TMEM132D: variants seen among roughly 807,000 people sequenced by gnomAD.
TMEM132D encodes the protein mature OL transmembrane protein.
A neutral mutation model predicts 62.3 loss-of-function variants in TMEM132D; 21 were observed. The observed-to-expected ratio is 0.34, with a 90% CI of 0.24 to 0.49. TMEM132D has a LOEUF of 0.49. Ranked by LOEUF, TMEM132D falls within the 20% of genes least tolerant of loss-of-function variation. The pLI, the probability that TMEM132D is intolerant of heterozygous loss-of-function variation, is 0.99. For missense variants in TMEM132D, 1,346 were observed against 1,402.8 expected, an observed-to-expected ratio of 0.96 and a Z score of 0.65; for synonymous variants, 621 against 575.6, an observed-to-expected ratio of 1.08 and a Z score of -1.13.
intron 1 of TMEM132D, among the ~76,000 whole-genome samples, chr12:129,797,592 A>C (rs564994335): frequency 1.3e-5 from 2 of 152,312 alleles, no homozygotes; most frequent in East Asian, 1.9e-4. Context: ...GCTGTGACTT[A>C]CATGAGAGAC....
At chr12:129,775,413 G>C (rs1036210660) in intron 1 of TMEM132D, among the ~76,000 whole-genome samples, 5 of 152,130 alleles carry the variant, frequency 3.3e-5, no homozygotes, top group African/African-American at 9.7e-5. Context: ...AGGCATGGGA[G>C]AGCCACCAGC....
chr12:129,309,117 A>C (rs1442624820), intron 4 of TMEM132D, among the ~76,000 whole-genome samples: 1 of 152,218 alleles, frequency 6.6e-6, no homozygotes, highest in Non-Finnish European at 1.5e-5. Flanking sequence ...CCTCTTGAAC[A>C]AACACATTCA....
chr12:129,737,365 T>C (rs930715818), intron 1 of TMEM132D, among the ~76,000 whole-genome samples: 3 of 152,224 alleles, frequency 2.0e-5, no homozygotes, highest in African/African-American at 7.2e-5. Context: ...GGTGGTGTTT[T>C]AATGTTTCCT....
chr12:129,507,283 A>G (rs1284198950), intron 3 of TMEM132D, among the ~76,000 whole-genome samples: 1 of 152,212 alleles, frequency 6.6e-6, no homozygotes, highest in East Asian at 1.9e-4. Flanking sequence ...TAGTACAAAC[A>G]CTATGCAAAA....
chr12:129,513,852 T>A (rs112229460), intron 3 of TMEM132D, among the ~76,000 whole-genome samples: 95 of 112,338 alleles, frequency 8.5e-4, no homozygotes, highest in African/African-American at 1.8e-3. Flanking sequence ...TTATTTATTT[T>A]TTTGAGACGG....
chr12:129,467,302 G>A (rs1297763577), intron 3 of TMEM132D, among the ~76,000 whole-genome samples: 3 of 152,110 alleles, frequency 2.0e-5, no homozygotes, highest in Non-Finnish European at 4.4e-5. Flanking sequence ...TCTTGGCTCT[G>A]CTTTTCTCTA....
chr12:129,794,159 G>A (rs1871487606), intron 1 of TMEM132D, among the ~76,000 whole-genome samples: 1 of 150,582 alleles, frequency 6.6e-6, no homozygotes, highest in African/African-American at 2.4e-5. Flanking sequence ...TGCAACCTCG[G>A]CTCACAGCAA....
intron 2 of TMEM132D, among the ~76,000 whole-genome samples, chr12:129,627,673 T>A (rs150268618): frequency 1.2e-3 from 185 of 151,510 alleles, no homozygotes; most frequent in African/African-American, 4.1e-3. Context: ...AATAAGAAAA[T>A]AAGAAAAATA....
In TMEM132D at chr12:129,656,145, A is replaced by G. The variant is rs79248865; in HGVS notation, c.968+43665T>C. Among the ~76,000 whole-genome samples, 1,494 of 152,310 alleles carry G rather than the reference A, an allele frequency of 9.8e-3. 49 individuals carry two copies. In the South Asian group the frequency reaches 0.11, roughly 12 times the overall value. ...ACTATCCAGCAACTCACGTTTCCCA[A>G]ACATGCCCTATGATAAGATTTATCT... On this transcript the variant is annotated intron_variant, in intron 2 of 8. Coordinates refer to ENST00000422113, the MANE Select transcript of TMEM132D (RefSeq NM_133448.3).
chr12:129,380,941 A>G (rs1369059082), intron 3 of TMEM132D, among the ~76,000 whole-genome samples: 1 of 152,206 alleles, frequency 6.6e-6, no homozygotes, highest in Admixed American at 6.5e-5. Flanking sequence ...ATCTTTTCAA[A>G]TAAATAAATG....
At chr12:129,292,084 A>T (rs1881463892) in intron 4 of TMEM132D, among the ~76,000 whole-genome samples, 1 of 152,172 alleles carries the variant, frequency 6.6e-6, no homozygotes, top group South Asian at 2.1e-4. Flanking sequence ...TCATGTTAGG[A>T]TGAAATTAAT....
At position 129,903,446 on chromosome 12, in the gene TMEM132D, G is replaced by T; in HGVS notation, c.-107C>A. The T allele has an allele frequency of 2.4e-6, 3 of 1,229,820 alleles. No individual in the cohort carries two copies. The highest frequency in any genetic ancestry group is 3.4e-6 in the Non-Finnish European group (3 of 869,794). 76.2% of individuals were successfully genotyped at this position (1,229,820 alleles called of 1,614,324 possible). On this transcript the variant is annotated 5_prime_UTR_variant, in exon 1 of 9. Coordinates refer to ENST00000422113, the MANE Select transcript of TMEM132D (RefSeq NM_133448.3). This position sits in a 1 kb window ranked among gnomAD's most constrained non-coding sequence, Gnocchi z 6.2. The stretch of plus-strand genomic sequence containing the variant: ...GCAGCGGGGCCGGTGGCGAGGGAGC[G>T]CCCGGCTAGGGGCCCGAGCAGCCCG...
chr12:129,265,246 TAC>T lies in TMEM132D; in HGVS notation c.1300-55585_1300-55584del, dbSNP rs1199098725. On this transcript the variant is annotated intron_variant, in intron 4 of 8. Transcript: ENST00000422113. The stretch of plus-strand genomic sequence containing the variant: ...ACACACTGGAGCTGGGAAACAGAGT[TAC>T]TCCCATCAGAACCATGTAGACTGAG... 2.6e-5 allele frequency among the ~76,000 whole-genome samples: 4 copies of T among 152,154 alleles called. No homozygotes were observed. The East Asian group carries it at 7.7e-4, about 29-fold the overall frequency.
chr12:129,733,136 G>C (rs771062950), intron 1 of TMEM132D, among the ~76,000 whole-genome samples: 29 of 152,088 alleles, frequency 1.9e-4, no homozygotes, highest in Non-Finnish European at 2.9e-4. Context: ...TGAATTTCTC[G>C]TCTAGTTTCA....
At chr12:129,761,623 C>G (rs2137275486) in intron 1 of TMEM132D, among the ~76,000 whole-genome samples, 1 of 152,348 alleles carries the variant, frequency 6.6e-6, no homozygotes, top group African/African-American at 2.4e-5. Flanking sequence ...TCTCGGTTCT[C>G]CGCGGTTGGC....
chr12:129,221,574 C>T (rs957661921), intron 4 of TMEM132D, among the ~76,000 whole-genome samples: 1 of 152,144 alleles, frequency 6.6e-6, no homozygotes, highest in African/African-American at 2.4e-5. Context: ...GGTTACTGCC[C>T]TGATTTCTGC....
intron 5 of TMEM132D, among the ~76,000 whole-genome samples, chr12:129,134,113 G>GT (rs1487556442): frequency 1.5e-3 from 67 of 45,976 alleles, no homozygotes; most frequent in African/African-American, 3.6e-3. Flanking sequence ...GTGTGTCTGT[G>GT]TGTTGTGTGT....
rs149836644 is a variant in TMEM132D at position 129,286,908 on chromosome 12, C to T, written c.1299+50726G>A. ...ACTAAAAATACAAAAATTAGTCGGG[C>T]GTGGTGGCGCATGCCTGTAATCCCA... On this transcript the variant is annotated intron_variant, in intron 4 of 8. Coordinates refer to ENST00000422113, the MANE Select transcript of TMEM132D (RefSeq NM_133448.3). Among the ~76,000 whole-genome samples the T allele has an allele frequency of 7.5e-3, 1,141 of 152,128 alleles. 30 individuals carry two copies. Among genetic ancestry groups the T allele is most frequent in the Admixed American group, 0.048 (736 of 15,266 alleles).
At chr12:129,655,061 C>A (rs962117385) in intron 2 of TMEM132D, among the ~76,000 whole-genome samples, 3 of 151,990 alleles carry the variant, frequency 2.0e-5, no homozygotes, top group African/African-American at 7.3e-5. Context: ...CATTCTCCTG[C>A]CTCAGCCTCC....
Sources: allele counts gnomAD v4.1 joint callset (sites outside exome capture counted in the v4.1 genomes callset), GRCh38; gene constraint gnomAD v4.1.1; non-coding constraint Gnocchi (gnomAD v3.1); transcripts MANE v1.5; gene names NCBI Gene and HGNC (gene_info 2026-07-23, HGNC 2026-07-21).